Variants in FMN1 observed in about 807,000 individuals in gnomAD.
FMN1 encodes formin 1.
FMN1 carries 110 observed loss-of-function variants against 132.4 expected under a neutral mutation model. That is an observed-to-expected ratio of 0.83 (90% CI 0.71 to 0.97). The LOEUF (loss-of-function observed/expected upper bound fraction) is 0.97, where lower values mean the gene tolerates loss of function less well. Ranked by LOEUF, FMN1 falls within the 50% of genes least tolerant of loss-of-function variation. The probability of loss-of-function intolerance (pLI) is 0.00; values close to 1 mark genes in which losing one functional copy is unlikely to be tolerated. For synonymous variants in FMN1, 722 were observed against 651.7 expected, an observed-to-expected ratio of 1.11 and a Z score of -1.64; for missense variants, 1,792 against 1,705.3, an observed-to-expected ratio of 1.05 and a Z score of -0.90.
chr15:33,058,085 TG>T (rs1258354876), intron 6 of FMN1, among the ~76,000 whole-genome samples: 2 of 115,912 alleles, frequency 1.7e-5, no homozygotes, highest in Admixed American at 8.3e-5. Flanking sequence ...AAAGGTGTGA[TG>T]GGGGTGCTGG....
intron 10 of FMN1, among the ~76,000 whole-genome samples, chr15:32,919,352 A>C (rs1466138837): frequency 6.6e-6 from 1 of 152,176 alleles, no homozygotes; most frequent in Non-Finnish European, 1.5e-5. Context: ...AAGTGGGTAA[A>C]AACAAGGATA....
intron 3 of FMN1, among the ~76,000 whole-genome samples, chr15:33,175,667 T>C (rs147291584): frequency 3.3e-5 from 5 of 152,324 alleles, no homozygotes; most frequent in Non-Finnish European, 4.4e-5. Flanking sequence ...CTGCTAGGTA[T>C]GGCCTCAGTG....
rs1250285582 is a variant in FMN1, at chr15:33,154,046, T to C, written c.869A>G (p.His290Arg). ...ACTTTCAGACAAACCTGTTTGCTGA[T>C]GCTCCAGCCCGCTCGGCGGCCTCCG... ...GIRRPPSGLE[H>R]QQTGLSESHQ... The change falls in exon 4 of 21, where the codon CAT becomes CGT. Residue 290 changes from histidine (H) to arginine (R), a missense_variant. By Grantham distance (29) the His-to-Arg change is conservative. Around this residue, in one of 3 missense-constraint regions of FMN1, gnomAD observed 638 missense variants for 645.2 expected, o/e 0.99. Transcript: ENST00000616417. The C allele has an allele frequency of 6.5e-7, 1 of 1,536,208 alleles. No homozygotes were observed.
At chr15:32,790,053 C>G (rs1445607252) in intron 19 of FMN1, among the ~76,000 whole-genome samples, 1 of 151,868 alleles carries the variant, frequency 6.6e-6, no homozygotes, top group African/African-American at 2.4e-5. Context: ...CACGATTCTA[C>G]GTGTTTAAAT....
chr15:33,150,996 C>G, intron 4 of FMN1: 1 of 1,111,954 alleles, frequency 9.0e-7, no homozygotes, highest in Non-Finnish European at 1.1e-6. Context: ...ACAAAGGTAG[C>G]TGGAAGCAGG....
intron 9 of FMN1, among the ~76,000 whole-genome samples, chr15:32,952,283 C>T (rs1163858759): frequency 6.6e-6 from 1 of 152,210 alleles, no homozygotes; most frequent in Non-Finnish European, 1.5e-5. Context: ...TTCTGAATCA[C>T]ATTCTTCTCC....
At chr15:33,107,981 G>C (rs1175524328) in intron 4 of FMN1, among the ~76,000 whole-genome samples, 1 of 152,052 alleles carries the variant, frequency 6.6e-6, no homozygotes, top group Non-Finnish European at 1.5e-5. Flanking sequence ...AAATAACAAA[G>C]GTTTCAGTTT....
intron 4 of FMN1, among the ~76,000 whole-genome samples, chr15:33,137,974 T>G (rs566100711): frequency 2.0e-4 from 30 of 152,342 alleles, no homozygotes; most frequent in African/African-American, 6.7e-4. Context: ...TTCCATTGCT[T>G]CCTCTGTAAG....
chr15:33,122,918 G>T (rs1962702558), intron 4 of FMN1, among the ~76,000 whole-genome samples: 1 of 152,106 alleles, frequency 6.6e-6, no homozygotes, highest in Non-Finnish European at 1.5e-5. Context: ...TGTACTATGT[G>T]CCAGGCAGTG....
chr15:32,927,459 A>G (rs887887270), intron 9 of FMN1, among the ~76,000 whole-genome samples: 2 of 152,124 alleles, frequency 1.3e-5, no homozygotes, highest in Non-Finnish European at 2.9e-5. Flanking sequence ...AGGTCTCACT[A>G]TATTGCCAAT....
intron 10 of FMN1, among the ~76,000 whole-genome samples, chr15:32,918,403 T>A (rs1263157004): frequency 6.6e-6 from 1 of 151,958 alleles, no homozygotes; most frequent in Non-Finnish European, 1.5e-5. Flanking sequence ...TCTGATGGAG[T>A]AAGAGACAAG....
Position 32,926,933 on chromosome 15 carries a change from C to T in FMN1, c.3139-672G>A, listed in dbSNP as rs150679194. Among the ~76,000 whole-genome samples, 121 of 152,162 alleles carry T rather than the reference C, an allele frequency of 8.0e-4. 2 individuals carry two copies. The East Asian group carries it at 0.019, about 24-fold the overall frequency. On this transcript the variant is annotated intron_variant, in intron 9 of 20. Transcript: ENST00000616417. ...CAGAGTAGCTGGGATCACAGGCAGGCGCCACCACACCCAGCTAATTTTTAA... is the reference window on the plus strand; with the variant it reads ...CAGAGTAGCTGGGATCACAGGCAGGTGCCACCACACCCAGCTAATTTTTAA...
At position 32,982,059 on chromosome 15, in the gene FMN1, G is replaced by A. The variant is rs559610117; in HGVS notation, c.2224-12582C>T. On this transcript the variant is annotated intron_variant, in intron 7 of 20. Transcript: ENST00000616417. ...ATAAGGAAAAAAAAATTCCCTCCAC[G>A]CTCCAAAAATAGGTAAAAGATCTGA... Among the ~76,000 whole-genome samples the A allele has an allele frequency of 5.9e-5, 9 of 152,208 alleles. No individual in the cohort carries two copies. The East Asian group carries it at 1.7e-3, about 29-fold the overall frequency.
chr15:32,931,312 C>A (rs2061110507), intron 9 of FMN1, among the ~76,000 whole-genome samples: 2 of 152,304 alleles, frequency 1.3e-5, no homozygotes, highest in Admixed American at 6.5e-5. Context: ...TTAATTCTTT[C>A]AATCCATAAA....
intron 6 of FMN1, among the ~76,000 whole-genome samples, chr15:33,031,792 A>G (rs1441275490): frequency 6.6e-6 from 1 of 152,236 alleles, no homozygotes; most frequent in Non-Finnish European, 1.5e-5. Flanking sequence ...CTGTGGTAAC[A>G]GATGTCACAG....
intron 6 of FMN1, chr15:33,062,767 T>C (rs539837559): frequency 6.6e-6 from 1 of 152,350 alleles, no homozygotes; most frequent in Non-Finnish European, 1.5e-5. Flanking sequence ...AAGTTTCTTT[T>C]GCTTCATGAT....
intron 3 of FMN1, among the ~76,000 whole-genome samples, chr15:33,172,303 C>T (rs1307942601): frequency 6.6e-6 from 1 of 152,000 alleles, no homozygotes; most frequent in Non-Finnish European, 1.5e-5. Flanking sequence ...TACTAAAGTA[C>T]TAAGAGGTGG....
chr15:33,139,039 AATG>A (rs1162507804), intron 4 of FMN1, among the ~76,000 whole-genome samples: 5 of 152,312 alleles, frequency 3.3e-5, no homozygotes, highest in Non-Finnish European at 7.3e-5. Context: ...GGATATTACT[AATG>A]ATATTTTAAT....
intron 6 of FMN1, among the ~76,000 whole-genome samples, chr15:33,024,048 T>C (rs542190398): frequency 9.9e-5 from 15 of 151,858 alleles, no homozygotes; most frequent in Admixed American, 3.3e-4. Flanking sequence ...AGAAATCCTA[T>C]AAATAAATAA....
Sources: gnomAD v4.1 joint callset for allele counts (sites outside exome capture counted in the v4.1 genomes callset) on GRCh38, gnomAD v4.1.1 for gene constraint, gnomAD v4.1.1 regional missense constraint, MANE v1.5 for transcripts, NCBI Gene and HGNC (gene_info 2026-07-23, HGNC 2026-07-21) for gene names.